Variants in EYA4 observed in about 807,000 individuals in gnomAD.
EYA4 encodes the protein protein phosphatase EYA4.
Under a neutral mutation model 87.9 loss-of-function variants are expected in EYA4, and 31 were observed. The observed-to-expected ratio is 0.35, with a 90% CI of 0.27 to 0.48. The LOEUF is 0.48. Ranked by LOEUF, EYA4 falls within the 20% of genes least tolerant of loss-of-function variation. The pLI is 0.99. For missense variants in EYA4, 678 were observed against 761.4 expected (o/e 0.89, Z 1.29); for synonymous variants, 263 against 270.6 (o/e 0.97, Z 0.28).
chr6:133,355,802 G>T (rs1783974200), intron 2 of EYA4, among the ~76,000 whole-genome samples: 1 of 152,156 alleles, frequency 6.6e-6, no homozygotes, highest in South Asian at 2.1e-4. Context: ...AAGAGGGCAT[G>T]CTTTTATTAG....
Position 133,464,868 on chromosome 6 carries a change from C to G in EYA4, c.804+10C>G. On this transcript the variant is annotated intron_variant, in intron 10 of 19. Coordinates refer to ENST00000355286, the MANE Select transcript of EYA4 (RefSeq NM_004100.5). ...CAGTGGTTCACAACAGGTATAGTAG[C>G]TTTTTGTGTTTATGCTTTTTATATG... 2 of 1,586,964 alleles carry G rather than the reference C, an allele frequency of 1.3e-6. No individual in the cohort carries two copies. The highest frequency in any genetic ancestry group is 1.7e-6 in the Non-Finnish European group (2 of 1,156,532).
intron 11 of EYA4, among the ~76,000 whole-genome samples, chr6:133,477,666 T>G (rs1361160787): frequency 2.0e-5 from 3 of 151,996 alleles, no homozygotes; most frequent in African/African-American, 7.3e-5. Flanking sequence ...GCCAAATGGT[T>G]AAAGGAGGAG....
intron 3 of EYA4, among the ~76,000 whole-genome samples, chr6:133,383,791 C>G (rs1272864214): frequency 2.0e-5 from 3 of 152,016 alleles, no homozygotes; most frequent in Non-Finnish European, 4.4e-5. Context: ...ATGGAACTAA[C>G]TAATTTTAGA....
chr6:133,264,055 G>A (rs1776007669), intron 1 of EYA4, among the ~76,000 whole-genome samples: 1 of 152,254 alleles, frequency 6.6e-6, no homozygotes, highest in Admixed American at 6.5e-5. Context: ...GGCAAGTATA[G>A]CCCTCAGCCC....
At chr6:133,253,418 T>G (rs1293448342) in intron 1 of EYA4, among the ~76,000 whole-genome samples, 4 of 152,078 alleles carry the variant, frequency 2.6e-5, no homozygotes, top group African/African-American at 9.7e-5. Flanking sequence ...CTTCCTGGGT[T>G]CATAAATCAA....
At chr6:133,383,015 T>C (rs941676658) in intron 3 of EYA4, among the ~76,000 whole-genome samples, 2 of 151,910 alleles carry the variant, frequency 1.3e-5, no homozygotes, top group South Asian at 4.2e-4. Context: ...AACAGATTTT[T>C]TTAGACCTAC....
chr6:133,517,984 G>T (rs1046386627), intron 17 of EYA4, among the ~76,000 whole-genome samples: 2 of 152,174 alleles, frequency 1.3e-5, no homozygotes, highest in Non-Finnish European at 2.9e-5. Flanking sequence ...GGAGATTCTG[G>T]CTCTATATAA....
rs753035830 is a variant in EYA4, at chr6:133,515,325, C to T, written c.1506C>T (p.Leu502=). 8.2e-6 allele frequency: 13 copies of T among 1,588,940 alleles called. No homozygotes were observed. The Admixed American group carries it at 1.3e-4, about 16-fold the overall frequency. The change falls in exon 17 of 20, where the codon CTC becomes CTT. Residue 502 remains leucine (L), a synonymous_variant. Coordinates refer to ENST00000355286, the MANE Select transcript of EYA4 (RefSeq NM_004100.5). ...CTTGGTTTTTTGGTGTTGCAGGACT[C>T]CTTGGCCCTGCCAAGAGGGATGCCT... ...YNTYKNNVGG[L]LGPAKRDAWL...
intron 3 of EYA4, among the ~76,000 whole-genome samples, chr6:133,432,351 T>C (rs1404310296): frequency 6.6e-6 from 1 of 152,206 alleles, no homozygotes; most frequent in Non-Finnish European, 1.5e-5. Context: ...ACATTTCTCA[T>C]CTTGCTCTTT....
chr6:133,247,667 T>C (rs1774523976), intron 1 of EYA4: 1 of 152,252 alleles, frequency 6.6e-6, no homozygotes, highest in Admixed American at 6.5e-5. Flanking sequence ...TTCATTTTTT[T>C]ATTTACTTAT....
chr6:133,367,166 T>C (rs1010038466), intron 2 of EYA4, among the ~76,000 whole-genome samples: 5 of 152,202 alleles, frequency 3.3e-5, no homozygotes, highest in Admixed American at 3.3e-4. Flanking sequence ...TTGGGTCTTC[T>C]TCCTATATCC....
chr6:133,383,982 G>A (rs536127537), intron 3 of EYA4, among the ~76,000 whole-genome samples: 3 of 152,240 alleles, frequency 2.0e-5, no homozygotes, highest in Non-Finnish European at 4.4e-5. Context: ...GATGATATAT[G>A]TAATTAGATA....
intron 2 of EYA4, among the ~76,000 whole-genome samples, chr6:133,304,260 G>A (rs1278591345): frequency 6.6e-6 from 1 of 152,002 alleles, no homozygotes; most frequent in South Asian, 2.1e-4. Context: ...ATTATCTAGT[G>A]GGGAAGACAA....
intron 2 of EYA4, among the ~76,000 whole-genome samples, chr6:133,287,110 C>T (rs190569812): frequency 9.8e-4 from 149 of 152,168 alleles, no homozygotes; most frequent in African/African-American, 3.5e-3. Flanking sequence ...ATACTTACTG[C>T]CTGCAAAACA....
intron 3 of EYA4, among the ~76,000 whole-genome samples, chr6:133,403,921 C>T (rs59928106): frequency 0.011 from 1,665 of 152,268 alleles, 28 homozygotes; most frequent in African/African-American, 0.038. Context: ...AGCAATTCTC[C>T]TGCCTCAGCC....
chr6:133,369,105 T>C (rs150772682), intron 2 of EYA4, among the ~76,000 whole-genome samples: 5 of 152,344 alleles, frequency 3.3e-5, no homozygotes, highest in African/African-American at 9.6e-5. Context: ...GAAGAACTTA[T>C]GAAATGAGTT....
chr6:133,290,994 G>A (rs1475938508), intron 2 of EYA4, among the ~76,000 whole-genome samples: 1 of 151,968 alleles, frequency 6.6e-6, no homozygotes, highest in Non-Finnish European at 1.5e-5. Flanking sequence ...GTGGATCAGG[G>A]TCATCTAAAA....
chr6:133,385,784 T>C (rs1205690697), intron 3 of EYA4, among the ~76,000 whole-genome samples: 1 of 152,208 alleles, frequency 6.6e-6, no homozygotes, highest in Non-Finnish European at 1.5e-5. Context: ...AAATTCTTTT[T>C]CTTGCTTGGC....
intron 13 of EYA4, among the ~76,000 whole-genome samples, chr6:133,500,538 A>G (rs948000542): frequency 6.6e-6 from 1 of 152,064 alleles, no homozygotes. Context: ...CTGAAGGGAG[A>G]GCAAGCATAT....
Sources: gnomAD v4.1 joint callset for allele counts (sites outside exome capture counted in the v4.1 genomes callset) on GRCh38, gnomAD v4.1.1 for gene constraint, MANE v1.5 for transcripts, NCBI Gene and HGNC (gene_info 2026-07-23, HGNC 2026-07-21) for gene names.